Variants in ANKRD11 observed in about 807,000 individuals in gnomAD.
ANKRD11 encodes the protein ankyrin repeat domain-containing protein 11.
Under a neutral mutation model 195.7 loss-of-function variants are expected in ANKRD11, and 17 were observed. The ratio of observed to expected loss-of-function variants is 0.09; its 90% CI spans 0.06 to 0.13. The LOEUF (loss-of-function observed/expected upper bound fraction) is 0.13, where lower values mean the gene tolerates loss of function less well. ANKRD11 is among the 10% of genes least tolerant of loss of function. The probability of loss-of-function intolerance (pLI) is 1.00; values close to 1 mark genes in which losing one functional copy is unlikely to be tolerated. For synonymous variants in ANKRD11, 1,953 were observed against 1,528.1 expected (o/e 1.28, Z -6.49); for missense variants, 3,735 against 3,566.1 (o/e 1.05, Z -1.21).
chr16:89,485,417 C>A (rs2057579045), intron 1 of ANKRD11, among the ~76,000 whole-genome samples: 1 of 152,022 alleles, frequency 6.6e-6, no homozygotes, highest in South Asian at 2.1e-4. Flanking sequence ...TCACTTGAAT[C>A]CGGGAGGCAG....
Position 89,291,666 on chromosome 16 carries a change from T to C in ANKRD11, c.227-483A>G, listed in dbSNP as rs934681205. ...AACACATCAGTAAATCAAGGCCAACTGGTCAGTACTGTACCTTTCTTCTTG... is the reference window on the plus strand; with the variant it reads ...AACACATCAGTAAATCAAGGCCAACCGGTCAGTACTGTACCTTTCTTCTTG... On this transcript the variant is annotated intron_variant, in intron 4 of 12. Transcript: ENST00000301030. The surrounding 1 kb of genome is among the most constrained non-coding windows in gnomAD (Gnocchi z 5.3). The C allele has an allele frequency of 1.6e-6, 2 of 1,289,760 alleles. No homozygotes were observed. The highest frequency in any genetic ancestry group is 3.0e-5 in the African/African-American group (2 of 65,892). 79.9% of individuals were successfully genotyped at this position (1,289,760 alleles called of 1,614,324 possible). A position where few individuals can be genotyped will look rare whatever the true frequency, so the allele number is the denominator to read the frequency against.
At chr16:89,312,149 C>T (rs369418779) in intron 3 of ANKRD11, among the ~76,000 whole-genome samples, 4 of 152,176 alleles carry the variant, frequency 2.6e-5, no homozygotes, top group East Asian at 1.9e-4. Context: ...CCTCATGCCT[C>T]GGCCTCCCAA....
intron 2 of ANKRD11, among the ~76,000 whole-genome samples, chr16:89,335,381 C>G (rs1291186714): frequency 6.6e-6 from 1 of 152,180 alleles, no homozygotes; most frequent in Non-Finnish European, 1.5e-5. Flanking sequence ...CCCACAGGTC[C>G]CAGAAGCATG....
chr16:89,364,415 T>G (rs193090400), intron 2 of ANKRD11, among the ~76,000 whole-genome samples: 5 of 152,244 alleles, frequency 3.3e-5, no homozygotes, highest in Non-Finnish European at 7.3e-5. Context: ...CACATCCTAC[T>G]CACGGTAAGA....
At position 89,418,036 on chromosome 16, in the gene ANKRD11, C is replaced by T. The variant is rs146775792; in HGVS notation, c.-60+248G>A. Among the ~76,000 whole-genome samples the T allele has an allele frequency of 3.9e-5, 6 of 152,252 alleles. No homozygotes were observed. The East Asian group carries it at 1.2e-3, about 29-fold the overall frequency. ...ACTTCTTTTATAGGCTATTAACAAC[C>T]TATTTAATTTTTCAGCAGATTTCTT... is the stretch of plus-strand genomic sequence containing the variant. On this transcript the variant is annotated intron_variant, in intron 2 of 12. Coordinates refer to ENST00000301030, the MANE Select transcript of ANKRD11 (RefSeq NM_013275.6).
intron 2 of ANKRD11, among the ~76,000 whole-genome samples, chr16:89,415,901 T>C (rs935189223): frequency 1.4e-5 from 2 of 143,704 alleles, no homozygotes; most frequent in Admixed American, 7.1e-5. Context: ...CACATGCCCA[T>C]GTGGGTCACG....
At chr16:89,348,116 C>T (rs890214926) in intron 2 of ANKRD11, among the ~76,000 whole-genome samples, 4 of 151,846 alleles carry the variant, frequency 2.6e-5, no homozygotes, top group African/African-American at 4.8e-5. Context: ...ATTTTTTGTA[C>T]AGATAGGGTT....
chr16:89,405,620 C>T (rs1567759002), intron 2 of ANKRD11, among the ~76,000 whole-genome samples: 1 of 152,032 alleles, frequency 6.6e-6, no homozygotes, highest in Non-Finnish European at 1.5e-5. Context: ...AGGCCTGAGC[C>T]GCCATGCCCG....
chr16:89,367,537 C>A (rs2040001819), intron 2 of ANKRD11, among the ~76,000 whole-genome samples: 1 of 152,244 alleles, frequency 6.6e-6, no homozygotes, highest in African/African-American at 2.4e-5. Flanking sequence ...ACGGCACACA[C>A]CAGTCCCTGC....
intron 1 of ANKRD11, among the ~76,000 whole-genome samples, chr16:89,439,470 TAA>T (rs1300162135): frequency 6.6e-6 from 1 of 152,144 alleles, no homozygotes; most frequent in East Asian, 1.9e-4. Context: ...CTTTCAGTGC[TAA>T]AAACTACACC....
Position 89,490,403 on chromosome 16 carries a change from CG to C in ANKRD11, c.-304del. On this transcript the variant is annotated 5_prime_UTR_variant, in exon 1 of 13. Coordinates refer to ENST00000301030, the MANE Select transcript of ANKRD11 (RefSeq NM_013275.6). ...GGCCCGGCAGAGCTGCGAGGGACGG[CG>C]GGAGGCGAGCCCGCCCCTCGGGCGC... 1 of 253,744 alleles carries C rather than the reference CG, an allele frequency of 3.9e-6. No homozygotes were observed. The highest frequency in any genetic ancestry group is 7.5e-6 in the Non-Finnish European group (1 of 133,966). The allele number at this position is 253,744 out of a possible 1,614,324, so 15.7% of individuals were successfully genotyped here.
intron 2 of ANKRD11, among the ~76,000 whole-genome samples, chr16:89,342,640 G>C (rs1352647061): frequency 1.3e-5 from 2 of 152,160 alleles, no homozygotes; most frequent in East Asian, 1.9e-4. Flanking sequence ...AAATCCCCAA[G>C]TATGAGCTGA....
intron 2 of ANKRD11, among the ~76,000 whole-genome samples, chr16:89,368,710 C>T (rs1265873257): frequency 6.6e-6 from 1 of 151,134 alleles, no homozygotes; most frequent in African/African-American, 2.4e-5. Context: ...GAGCTCAAGA[C>T]CAGCCTAGGC....
chr16:89,356,056 G>A (rs1186948119), intron 2 of ANKRD11, among the ~76,000 whole-genome samples: 1 of 152,194 alleles, frequency 6.6e-6, no homozygotes, highest in African/African-American at 2.4e-5. Flanking sequence ...ACTCCAGCCT[G>A]GGCACTGGAG....
chr16:89,325,416 C>A (rs1307182034), intron 2 of ANKRD11, among the ~76,000 whole-genome samples: 1 of 151,044 alleles, frequency 6.6e-6, no homozygotes, highest in Admixed American at 6.6e-5. Context: ...CCAGCCCGGG[C>A]GTCAGAGCCA....
chr16:89,275,492 C>A (rs994760134), intron 9 of ANKRD11, among the ~76,000 whole-genome samples: 1 of 152,214 alleles, frequency 6.6e-6, no homozygotes, highest in Non-Finnish European at 1.5e-5. Context: ...GCCTGAAACA[C>A]CGGCATGAGC....
chr16:89,385,483 C>G (rs558854908), intron 2 of ANKRD11, among the ~76,000 whole-genome samples: 2 of 152,088 alleles, frequency 1.3e-5, no homozygotes, highest in South Asian at 4.2e-4. Context: ...AAGCCAGCAC[C>G]GGGCAGAGGG....
At chr16:89,405,491 A>AT (rs60792139) in intron 2 of ANKRD11, among the ~76,000 whole-genome samples, 8,059 of 111,402 alleles carry the variant, frequency 0.072, 706 homozygotes, top group African/African-American at 0.2. Context: ...CACCTGGCTC[A>AT]TTTTTTTTTT....
intron 2 of ANKRD11, among the ~76,000 whole-genome samples, chr16:89,318,263 G>T (rs2037084248): frequency 6.6e-6 from 1 of 152,136 alleles, no homozygotes; most frequent in African/African-American, 2.4e-5. Flanking sequence ...CCTGCCTGTG[G>T]GCCTTCTAGG....
Sources: gnomAD v4.1 joint callset for allele counts (sites outside exome capture counted in the v4.1 genomes callset) on GRCh38, gnomAD v4.1.1 for gene constraint, Gnocchi (gnomAD v3.1) non-coding constraint, MANE v1.5 for transcripts, NCBI Gene and HGNC (gene_info 2026-07-23, HGNC 2026-07-21) for gene names.